The following RANBP3L variants were observed in gnomAD, a reference collection of about 807,000 sequenced individuals.
The protein encoded by RANBP3L is ran-binding protein 3-like.
In RANBP3L, 56 loss-of-function variants were observed where a neutral mutation model predicts 67.2. The ratio of observed to expected loss-of-function variants is 0.83; its 90% CI spans 0.67 to 1.04. The LOEUF is 1.04. Ranked by LOEUF, RANBP3L falls within the 50% of genes least tolerant of loss-of-function variation. The pLI is 0.00. For synonymous variants in RANBP3L, 164 were observed against 181.4 expected (o/e 0.90, Z 0.77); for missense variants, 496 against 535.5 (o/e 0.93, Z 0.73).
chr5:36,272,461 C>T (rs1750287595), intron 1 of RANBP3L, among the ~76,000 whole-genome samples: 1 of 152,178 alleles, frequency 6.6e-6, no homozygotes, highest in Non-Finnish European at 1.5e-5. Flanking sequence ...AACTACCAGA[C>T]ATATACAACT....
chr5:36,258,785 C>A (rs1423223), intron 8 of RANBP3L, among the ~76,000 whole-genome samples: 130,907 of 152,166 alleles, frequency 0.86, 57,893 homozygotes, highest in Non-Finnish European at 0.97. Flanking sequence ...CCTTTAGGGC[C>A]CAGTGTCTCC....
At position 36,264,987 on chromosome 5, in the gene RANBP3L, C is replaced by A; in HGVS notation, c.452G>T (p.Cys151Phe). ...ATTATTTGTTTTTTCTTTAGTCTTGCAAGATTCCAGTGCCTTGTGTCCAAA... is the reference window on the plus strand; with the variant it reads ...ATTATTTGTTTTTTCTTTAGTCTTGAAAGATTCCAGTGCCTTGTGTCCAAA... ...KTFGHKALESCKTKEKTNNKI... is the reference protein window; with the variant it reads ...KTFGHKALESFKTKEKTNNKI... The change falls in exon 6 of 14, where the codon TGC becomes TTC. Residue 151 changes from cysteine (C) to phenylalanine (F), a missense_variant. By Grantham distance (205) the Cys-to-Phe change is radical. Coordinates refer to ENST00000296604, the MANE Select transcript of RANBP3L (RefSeq NM_145000.5). 6.2e-7 allele frequency: 1 copy of A among 1,613,500 alleles called. No homozygotes were observed. Among genetic ancestry groups the A allele is most frequent in the African/African-American group, 1.3e-5 (1 of 75,010 alleles).
At chr5:36,297,142 C>T (rs895585116) in intron 1 of RANBP3L, among the ~76,000 whole-genome samples, 1 of 151,800 alleles carries the variant, frequency 6.6e-6, no homozygotes, top group African/African-American at 2.4e-5. Context: ...TCGATTAATA[C>T]ATATTTTATA....
intron 8 of RANBP3L, among the ~76,000 whole-genome samples, chr5:36,258,061 G>C (rs938486968): frequency 1.3e-5 from 2 of 151,974 alleles, no homozygotes; most frequent in Non-Finnish European, 2.9e-5. Flanking sequence ...ATTTACTCTT[G>C]CTATCCACTT....
intron 4 of RANBP3L, among the ~76,000 whole-genome samples, chr5:36,267,658 A>G (rs1215116951): frequency 1.3e-5 from 2 of 152,238 alleles, no homozygotes; most frequent in Non-Finnish European, 2.9e-5. Flanking sequence ...TAGAAATAAA[A>G]ACATGAGAAT....
chr5:36,276,748 C>A (rs1750599126), intron 1 of RANBP3L, among the ~76,000 whole-genome samples: 1 of 152,018 alleles, frequency 6.6e-6, no homozygotes, highest in Non-Finnish European at 1.5e-5. Flanking sequence ...TTTGCTGGAT[C>A]CTCTCAGAGA....
At position 36,257,036 on chromosome 5, in the gene RANBP3L, A is replaced by G. The variant is rs1292124805; in HGVS notation, c.808T>C (p.Ser270Pro). The G allele has an allele frequency of 1.2e-6, 2 of 1,612,646 alleles. No individual in the cohort carries two copies. Among genetic ancestry groups the G allele is most frequent in the African/African-American group, 2.7e-5 (2 of 74,860 alleles). ...GGTTGGGAAGAGAATGCAGCAGCTGATTCAATTAGGGAAGTATTTTTAATA... is the reference window on the plus strand; with the variant it reads ...GGTTGGGAAGAGAATGCAGCAGCTGGTTCAATTAGGGAAGTATTTTTAATA... ...DSIKNTSLIE[S>P]AAAFSSQPSR... The change falls in exon 10 of 14, where the codon TCA (serine) becomes CCA (proline). Residue 270 changes from serine (S) to proline (P), a missense_variant. Coordinates refer to ENST00000296604, the MANE Select transcript of RANBP3L (RefSeq NM_145000.5).
At chr5:36,284,338 T>C (rs1177690577) in intron 1 of RANBP3L, among the ~76,000 whole-genome samples, 2 of 152,216 alleles carry the variant, frequency 1.3e-5, no homozygotes, top group South Asian at 2.1e-4. Flanking sequence ...TTTTAATTAA[T>C]ACAGGTATTT....
rs1303049276 is a variant in RANBP3L, at chr5:36,301,795, C to T, written c.-379G>A. 2 of 172,400 alleles carry T rather than the reference C, an allele frequency of 1.2e-5. No individual in the cohort carries two copies. The highest frequency in any genetic ancestry group is 2.5e-5 in the Non-Finnish European group (2 of 79,802). 10.7% of individuals were successfully genotyped at this position (172,400 alleles called of 1,614,324 possible). ...CTTTTGGCGACATGAAATCCAATGC[C>T]TCCAGTATTTAGAGAAGGCTGCTAA... On this transcript the variant is annotated 5_prime_UTR_variant, in exon 1 of 14. Transcript: ENST00000296604.
chr5:36,299,447 T>C (rs1417570421), intron 1 of RANBP3L, among the ~76,000 whole-genome samples: 2 of 151,856 alleles, frequency 1.3e-5, no homozygotes, highest in Non-Finnish European at 2.9e-5. Flanking sequence ...ATAGCCTGGC[T>C]TAAAACAATA....
chr5:36,298,925 C>A (rs1752421397), intron 1 of RANBP3L, among the ~76,000 whole-genome samples: 1 of 152,094 alleles, frequency 6.6e-6, no homozygotes, highest in African/African-American at 2.4e-5. Context: ...TGAGTGTCAA[C>A]TTGATTGGAT....
intron 1 of RANBP3L, among the ~76,000 whole-genome samples, chr5:36,300,462 C>T (rs1394079907): frequency 6.6e-6 from 1 of 152,186 alleles, no homozygotes. Flanking sequence ...AGCCAACACT[C>T]TCCACACCAC....
intron 1 of RANBP3L, among the ~76,000 whole-genome samples, chr5:36,293,857 AT>A (rs1751989854): frequency 7.0e-6 from 1 of 143,856 alleles, no homozygotes; most frequent in South Asian, 2.3e-4. Context: ...TTGGTCTAAA[AT>A]TCTCTTTTTT....
At chr5:36,271,110 A>G (rs1750176890) in intron 2 of RANBP3L, 143 bp downstream of exon 2, 2 of 624,910 alleles carry the variant, frequency 3.2e-6, no homozygotes, top group African/African-American at 3.8e-5. Context: ...AATCCTGACT[A>G]TATAAATAAT....
chr5:36,295,094 C>T (rs541842380), intron 1 of RANBP3L, among the ~76,000 whole-genome samples: 2 of 151,988 alleles, frequency 1.3e-5, no homozygotes, highest in African/African-American at 2.4e-5. Context: ...CATAGGTGCA[C>T]AAGTATCTGT....
intron 1 of RANBP3L, among the ~76,000 whole-genome samples, chr5:36,279,127 G>A (rs1750800329): frequency 1.3e-5 from 2 of 152,206 alleles, no homozygotes; most frequent in South Asian, 4.1e-4. Flanking sequence ...GGAGCCCAAG[G>A]AAGAGGAGAT....
At chr5:36,250,041 T>C (rs1035893484) in intron 13 of RANBP3L, among the ~76,000 whole-genome samples, 4 of 151,994 alleles carry the variant, frequency 2.6e-5, no homozygotes, top group Non-Finnish European at 5.9e-5. Context: ...TTGCTTTGCC[T>C]TATTTTCATT....
Position 36,249,340 on chromosome 5 carries a change from C to G in RANBP3L, c.*314G>C, listed in dbSNP as rs1015561871. The G allele has an allele frequency of 6.2e-5, 11 of 178,438 alleles. No individual in the cohort carries two copies. Among genetic ancestry groups the G allele is most frequent in the Non-Finnish European group, 1.2e-4 (10 of 85,970 alleles). 11.1% of individuals were successfully genotyped at this position (178,438 alleles called of 1,614,324 possible). ...TTATCAAATCTAGCAATTTATAATT[C>G]TAAGTATTATATCCATCAATGTGAT... On this transcript the variant is annotated 3_prime_UTR_variant, in exon 14 of 14. Transcript: ENST00000296604.
chr5:36,273,138 GAA>G (rs1405106835), intron 1 of RANBP3L, among the ~76,000 whole-genome samples: 1 of 152,164 alleles, frequency 6.6e-6, no homozygotes, highest in African/African-American at 2.4e-5. Flanking sequence ...CAGAGACTTT[GAA>G]AAAGAAATAG....
Sources: allele counts gnomAD v4.1 joint callset (sites outside exome capture counted in the v4.1 genomes callset), GRCh38; gene constraint gnomAD v4.1.1; transcripts MANE v1.5; gene names NCBI Gene and HGNC (gene_info 2026-07-23, HGNC 2026-07-21).